ARFRP1: variants seen among roughly 807,000 people sequenced by gnomAD.
ARFRP1 encodes the protein ADP-ribosylation factor-related protein 1.
ARFRP1 carries 19 observed loss-of-function variants against 30.3 expected under a neutral mutation model. The observed-to-expected ratio is 0.63, with a 90% CI of 0.44 to 0.92. The LOEUF (loss-of-function observed/expected upper bound fraction) is 0.92. Among genes scored for constraint, ARFRP1 ranks in the 40% least tolerant of loss-of-function variants. The probability of loss-of-function intolerance (pLI) is 0.00; values close to 1 mark genes in which losing one functional copy is unlikely to be tolerated. For synonymous variants in ARFRP1, 133 were observed against 114.2 expected (o/e 1.16, Z -1.05); for missense variants, 245 against 267.5 (o/e 0.92, Z 0.59).
intron 5 of ARFRP1, 98 bp from the exon 6 acceptor site, chr20:63,701,998 G>GGGCCCCC: frequency 1.7e-6 from 1 of 583,910 alleles, no homozygotes; most frequent in Non-Finnish European, 2.6e-6. Context: ...CACTCCCTCT[G>GGGCCCCC]CCCCCCCCCC....
At chr20:63,700,577 C>A in intron 7 of ARFRP1, 25 bp downstream of exon 7, 1 of 1,610,506 alleles carries the variant, frequency 6.2e-7, no homozygotes, top group Non-Finnish European at 8.5e-7. Context: ...TCCCCAAAGC[C>A]CCCGCAGGTG....
At chr20:63,707,416 G>A (rs1278084213) in intron 1 of ARFRP1, 2 of 253,172 alleles carry the variant, frequency 7.9e-6, no homozygotes, top group South Asian at 6.8e-5. Flanking sequence ...CCGAGGCTTC[G>A]CTCCCACGCT....
rs541921716 is a variant in ARFRP1 at position 63,698,668 on chromosome 20, A to T, written c.*1775T>A. 1.0e-5 allele frequency: 13 copies of T among 1,293,390 alleles called. No individual in the cohort carries two copies. In the African/African-American group the frequency reaches 1.3e-4, roughly 13 times the overall value. The allele number at this position is 1,293,390 out of a possible 1,614,324, so 80.1% of individuals were successfully genotyped here. A position where few individuals can be genotyped will look rare whatever the true frequency, so the allele number is the denominator to read the frequency against. ...GAGGTTTCTTAAAGCTTATTTTTAT[A>T]AAGCTTTTTCATAAAACTGGTTGTA... On this transcript the variant is annotated 3_prime_UTR_variant, in exon 8 of 8. Transcript: ENST00000622789.
At chr20:63,701,998 G>GGGGGGGCCCCCCCC in intron 5 of ARFRP1, 98 bp from the exon 6 acceptor site, 1 of 583,916 alleles carries the variant, frequency 1.7e-6, no homozygotes, top group Non-Finnish European at 2.6e-6. Context: ...CACTCCCTCT[G>GGGGGGGCCCCCCCC]CCCCCCCCCC....
chr20:63,701,887 G>A lies in ARFRP1; in HGVS notation c.360C>T (p.Thr120=). 6.5e-7 allele frequency: 1 copy of A among 1,550,024 alleles called. No individual in the cohort carries two copies. Among genetic ancestry groups the A allele is most frequent in the Non-Finnish European group, 8.7e-7 (1 of 1,146,928 alleles). ...ESKQAFEKVV[T]SEALCGVPVL... is the part of the protein sequence containing the mutation. ...CGGGGACACCGCACAGCGCCTCGCT[G>A]GTCACCACCTTCTCTGGGGAGGGCA... Residue 120 remains threonine (T), a synonymous_variant, in exon 6 of 8, where the codon ACC becomes ACT. Coordinates refer to ENST00000622789, the MANE Select transcript of ARFRP1 (RefSeq NM_001267547.3).
rs2091096195 is a variant in ARFRP1, at chr20:63,699,676, AC to A, written c.*766del. 6.5e-6 allele frequency: 1 copy of A among 152,990 alleles called. No homozygotes were observed. Among genetic ancestry groups the A allele is most frequent in the Non-Finnish European group, 1.5e-5 (1 of 68,670 alleles). 9.5% of individuals were successfully genotyped at this position (152,990 alleles called of 1,614,324 possible). A position where few individuals can be genotyped will look rare whatever the true frequency, so the allele number is the denominator to read the frequency against. On this transcript the variant is annotated 3_prime_UTR_variant, in exon 8 of 8. Transcript: ENST00000622789. ...TCCCGAGCAGGGGACACAGGGCCCC[AC>A]AGAGAACCCCTCCGGGAGGTTCTCT... is the stretch of plus-strand genomic sequence containing the variant.
At chr20:63,705,788 C>T (rs1458233168) in intron 4 of ARFRP1, 2 of 531,778 alleles carry the variant, frequency 3.8e-6, no homozygotes, top group Non-Finnish European at 7.7e-6. Context: ...TTGTCTTGTC[C>T]TGACTGAGAA....
In ARFRP1 at chr20:63,700,479, A is replaced by G. The variant is rs764223668; in HGVS notation, c.570T>C (p.Asn190=). ...IEWMVKCVVR[N]VHRPPRQRDI... is the part of the protein sequence containing the mutation. Reference sequence around the variant, plus strand: ...CCCTCTGCCGCGGCGGCCGGTGCACATTCCGCACGACACACTTCACCATCC... The same window carrying G: ...CCCTCTGCCGCGGCGGCCGGTGCACGTTCCGCACGACACACTTCACCATCC... The change falls in exon 8 of 8, where the codon AAT becomes AAC. Residue 190 remains asparagine, a synonymous_variant. Coordinates refer to ENST00000622789, the MANE Select transcript of ARFRP1 (RefSeq NM_001267547.3). 3.5e-5 allele frequency: 57 copies of G among 1,610,200 alleles called. No individual in the cohort carries two copies. The highest frequency in any genetic ancestry group is 1.2e-4 in the Admixed American group (7 of 60,002).
rs201543211 is a variant in ARFRP1, at chr20:63,700,613, C to G, written c.507G>C (p.Ser169=). 5.0e-6 allele frequency: 8 copies of G among 1,610,458 alleles called. No homozygotes were observed. In the African/African-American group the frequency reaches 5.3e-5, roughly 11 times the overall value. The part of the protein sequence containing the change: ...GRRDCLTQAC[S]ALTGKGVREG... ...CAGCCCCCACTCACCCTGTGAGGGC[C>G]GAGCAGGCCTGGGTCAGGCAATCTC... is the stretch of plus-strand genomic sequence containing the variant. The change falls in exon 7 of 8, where the codon TCG becomes TCC. Residue 169 remains serine, a synonymous_variant. Transcript: ENST00000622789.
Position 63,699,660 on chromosome 20 carries a change from G to GGCCT in ARFRP1, c.*782_*783insAGGC. The GGCCT allele has an allele frequency of 6.5e-6, 1 of 153,050 alleles. No individual in the cohort carries two copies. Among genetic ancestry groups the GGCCT allele is most frequent in the Non-Finnish European group, 1.5e-5 (1 of 68,608 alleles). 9.5% of individuals were successfully genotyped at this position (153,050 alleles called of 1,614,324 possible). The stretch of plus-strand genomic sequence containing the variant: ...CCAGGACCAGCCTTACTCCCGAGCA[G>GGCCT]GGGACACAGGGCCCCACAGAGAACC... On this transcript the variant is annotated 3_prime_UTR_variant, in exon 8 of 8. Transcript: ENST00000622789.
intron 1 of ARFRP1, 45 bp downstream of exon 1, chr20:63,707,822 G>C (rs1349088168): frequency 6.6e-6 from 1 of 152,456 alleles, no homozygotes; most frequent in Non-Finnish European, 1.5e-5. Context: ...CGAGTCCTGG[G>C]CCGCCCCTCG....
At chr20:63,706,893 G>A (rs1601291165) in intron 2 of ARFRP1, 106 bp downstream of exon 2, 33 of 1,378,206 alleles carry the variant, frequency 2.4e-5, no homozygotes, top group South Asian at 1.7e-4. Flanking sequence ...CGTCTCAGGT[G>A]AAATTTGGCT....
chr20:63,705,202 A>G (rs903529696), intron 4 of ARFRP1: 2 of 157,044 alleles, frequency 1.3e-5, no homozygotes, highest in African/African-American at 4.8e-5. Context: ...GTGGTCCTAC[A>G]GGATCTATCA....
In ARFRP1 at chr20:63,698,668, A is replaced by AAAAAT. The variant is rs1568734793; in HGVS notation, c.*1774_*1775insATTTT. On this transcript the variant is annotated 3_prime_UTR_variant, in exon 8 of 8. Transcript: ENST00000622789. Reference sequence around the variant, plus strand: ...GAGGTTTCTTAAAGCTTATTTTTATAAAGCTTTTTCATAAAACTGGTTGTA... The same window carrying AAAAAT: ...GAGGTTTCTTAAAGCTTATTTTTATAAAAATAAGCTTTTTCATAAAACTGGTTGTA... The AAAAAT allele has an allele frequency of 4.6e-6, 6 of 1,293,272 alleles. No individual in the cohort carries two copies. Among genetic ancestry groups the AAAAAT allele is most frequent in the Non-Finnish European group, 6.0e-6 (6 of 995,780 alleles). The allele number at this position is 1,293,272 out of a possible 1,614,324, so 80.1% of individuals were successfully genotyped here.
Position 63,702,264 on chromosome 20 carries a change from G to A in ARFRP1, c.265-47C>T, listed in dbSNP as rs766160233. 2.6e-6 allele frequency: 4 copies of A among 1,560,796 alleles called. No individual in the cohort carries two copies. In the East Asian group the frequency reaches 6.7e-5, roughly 26 times the overall value. ...TGGGGCTCAGTCCCCACCCTGCCAA[G>A]GGCCAGCAGAGCCAGGCCTGTGTCA... On this transcript the variant is annotated intron_variant, in intron 4 of 7. Transcript: ENST00000622789.
At position 63,707,916 on chromosome 20, in the gene ARFRP1, C is replaced by T. The variant is rs2091577416; in HGVS notation, c.-56G>A. 2 of 152,580 alleles carry T rather than the reference C, an allele frequency of 1.3e-5. No homozygotes were observed. Among genetic ancestry groups the T allele is most frequent in the African/African-American group, 4.8e-5 (2 of 41,462 alleles). The allele number at this position is 152,580 out of a possible 1,614,324, so 9.5% of individuals were successfully genotyped here. On this transcript the variant is annotated 5_prime_UTR_variant, in exon 1 of 8. Transcript: ENST00000622789. ...CGCTGCTGCTGACCCCCGCTGACCT[C>T]CGCTGACCCCGCGCTAACCCCGCGC...
chr20:63,701,795 G>A (rs1041510009), intron 6 of ARFRP1, 35 bp downstream of exon 6: 12 of 1,546,016 alleles, frequency 7.8e-6, no homozygotes, highest in East Asian at 4.9e-5. Flanking sequence ...CTGGGGACTC[G>A]GGAAGCTGCT....
At position 63,706,438 on chromosome 20, in the gene ARFRP1, G is replaced by C; in HGVS notation, c.183C>G (p.Ile61Met). Residue 61 changes from isoleucine (I) to methionine (M), a missense_variant and splice_region_variant, in exon 4 of 8, where the codon ATC becomes ATG. Transcript: ENST00000622789. ...SKITTTVGLN[I>M]GTVDVGKARL... ...GAGCCTTTCCCACATCCACAGTGCC[G>C]ACTGGGGAGAGGAGGAAACAGGCAA... is the stretch of plus-strand genomic sequence containing the variant. The C allele has an allele frequency of 1.2e-6, 2 of 1,613,166 alleles. No individual in the cohort carries two copies. The highest frequency in any genetic ancestry group is 1.7e-6 in the Non-Finnish European group (2 of 1,179,912).
At chr20:63,706,554 A>G (rs2091473079) in intron 3 of ARFRP1, 97 bp downstream of exon 3, 1 of 1,512,742 alleles carries the variant, frequency 6.6e-7, no homozygotes, top group South Asian at 1.1e-5. Flanking sequence ...GAGACTTGAG[A>G]GGGGCCCGAC....
Sources: allele counts gnomAD v4.1 joint callset, GRCh38; gene constraint gnomAD v4.1.1; transcripts MANE v1.5; gene names NCBI Gene and HGNC (gene_info 2026-07-23, HGNC 2026-07-21).